Variants in ESPN observed in about 807,000 individuals in gnomAD.
ESPN encodes the protein espin, also known as autosomal recessive deafness type 36 protein.
ESPN carries 68 observed loss-of-function variants against 77.7 expected under a neutral mutation model. That is an observed-to-expected ratio of 0.87 (90% CI 0.72 to 1.07). ESPN has a LOEUF of 1.07. Among genes scored for constraint, ESPN ranks in the 50% least tolerant of loss-of-function variants. The probability of loss-of-function intolerance (pLI) is 0.00; values close to 1 mark genes in which losing one functional copy is unlikely to be tolerated. For synonymous variants in ESPN, 449 were observed against 567.1 expected, an observed-to-expected ratio of 0.79 and a Z score of 2.96; for missense variants, 1,060 against 1,239.0, an observed-to-expected ratio of 0.86 and a Z score of 2.17.
intron 2 of ESPN, among the ~76,000 whole-genome samples, chr1:6,439,475 G>A (rs896129347): frequency 5.9e-5 from 9 of 152,212 alleles, no homozygotes; most frequent in African/African-American, 1.9e-4. Flanking sequence ...AGCATGACAG[G>A]TCATGCTCAA....
intron 10 of ESPN, among the ~76,000 whole-genome samples, chr1:6,453,753 A>G (rs1194745023): frequency 6.6e-6 from 1 of 152,188 alleles, no homozygotes; most frequent in Non-Finnish European, 1.5e-5. Flanking sequence ...AGTGGATCGC[A>G]TAGGGTCAAG....
chr1:6,451,818 C>A lies in ESPN; in HGVS notation c.2062-15C>A. 3 of 1,610,820 alleles carry A rather than the reference C, an allele frequency of 1.9e-6. No homozygotes were observed. Among genetic ancestry groups the A allele is most frequent in the Non-Finnish European group, 2.5e-6 (3 of 1,179,176 alleles). On this transcript the variant is annotated splice_polypyrimidine_tract_variant and intron_variant, in intron 9 of 12. Transcript: ENST00000645284. This position sits in a 1 kb window ranked among gnomAD's most constrained non-coding sequence, Gnocchi z 4.3. Reference sequence around the variant, plus strand: ...TAGGCCACCGGGCGCTCAGCCCCACCGCTTCTCCCTGCAGCCCGATTCGCC... The same window carrying A: ...TAGGCCACCGGGCGCTCAGCCCCACAGCTTCTCCCTGCAGCCCGATTCGCC...
chr1:6,439,761 G>A (rs1401881957), intron 2 of ESPN, among the ~76,000 whole-genome samples: 1 of 152,196 alleles, frequency 6.6e-6, no homozygotes, highest in African/African-American at 2.4e-5. Flanking sequence ...TGTAATCCCA[G>A]CACTTTGGGA....
chr1:6,445,955 T>A lies in ESPN; in HGVS notation c.1464+20T>A. 1.2e-6 allele frequency: 2 copies of A among 1,611,480 alleles called. No homozygotes were observed. On this transcript the variant is annotated intron_variant, in intron 7 of 12. Coordinates refer to ENST00000645284, the MANE Select transcript of ESPN (RefSeq NM_031475.3). ...AAGGAGGTAGTGAGCCCTCACCCCC[T>A]GCCTGCCTCCCAGCAGGGGGACTGG...
chr1:6,455,931 C>A (rs1644047439), intron 10 of ESPN: 1 of 398,872 alleles, frequency 2.5e-6, no homozygotes, highest in Non-Finnish European at 4.4e-6. Flanking sequence ...AGAACAGGAG[C>A]GGACCGAAGA....
chr1:6,431,438 G>C (rs190500506), intron 2 of ESPN, among the ~76,000 whole-genome samples: 20 of 152,024 alleles, frequency 1.3e-4, no homozygotes, highest in Middle Eastern at 3.4e-3. Context: ...GTGAAACCCC[G>C]TCTCTACCAA....
chr1:6,461,265 G>C, downstream of ESPN: 5 of 865,316 alleles, frequency 5.8e-6, no homozygotes, highest in Non-Finnish European at 9.6e-6. The surrounding 1 kb of genome is among the most constrained non-coding windows in gnomAD (Gnocchi z 6.3). Flanking sequence ...GTGCTTCTTC[G>C]CCTTGGCTGG....
downstream of ESPN, chr1:6,461,229 T>A: frequency 1.3e-6 from 1 of 740,976 alleles, no homozygotes; most frequent in Non-Finnish European, 2.5e-6. This position sits in a 1 kb window ranked among gnomAD's most constrained non-coding sequence, Gnocchi z 6.3. Flanking sequence ...TTGAGAAATG[T>A]CTTCACCCCC....
At chr1:6,435,992 G>C (rs927500081) in intron 2 of ESPN, among the ~76,000 whole-genome samples, 16 of 152,340 alleles carry the variant, frequency 1.1e-4, no homozygotes, top group Non-Finnish European at 1.9e-4. Context: ...CACGGGACTT[G>C]AGCCAGGTCC....
At chr1:6,456,969 C>T (rs1644068216) in intron 10 of ESPN, among the ~76,000 whole-genome samples, 1 of 152,260 alleles carries the variant, frequency 6.6e-6, no homozygotes, top group Non-Finnish European at 1.5e-5. Context: ...GCTCTGATCT[C>T]TCTGGTGCCT....
At chr1:6,445,518 G>A (rs1422898431) in intron 6 of ESPN, 146 bp from the exon 7 acceptor site, 15 of 892,606 alleles carry the variant, frequency 1.7e-5, no homozygotes, top group African/African-American at 1.2e-4. Context: ...GCCCAGCACC[G>A]CCAGGGGCCA....
chr1:6,439,428 G>T (rs897074912), intron 2 of ESPN, among the ~76,000 whole-genome samples: 2 of 152,200 alleles, frequency 1.3e-5, no homozygotes, highest in Non-Finnish European at 2.9e-5. Context: ...TCAGTCTTCT[G>T]GGGGAGGCAA....
chr1:6,440,302 G>A lies in ESPN; in HGVS notation c.537G>A (p.Ala179=). 1 of 1,556,294 alleles carries A rather than the reference G, an allele frequency of 6.4e-7. No homozygotes were observed. The highest frequency in any genetic ancestry group is 1.2e-5 in the South Asian group (1 of 84,848). ...TKNGATPLYL[A]CQEGHLEVTQ... ...ACGGTGCCACGCCCCTGTACCTGGC[G>A]TGCCAGGAGGGCCACCTGGAGGTGA... The change falls in exon 3 of 13, where the codon GCG becomes GCA. Residue 179 remains alanine, a synonymous_variant. Coordinates refer to ENST00000645284, the MANE Select transcript of ESPN (RefSeq NM_031475.3).
chr1:6,451,880 G>C lies in ESPN; in HGVS notation c.2109G>C (p.Arg703=). ...TGTCACCTGCACTGTCACCAGTCCG[G>C]AGCCCCACACCGCCAGCTGCGGGGT... The part of the protein sequence containing the change: ...PSVSPALSPV[R]SPTPPAAGFQ... Residue 703 remains arginine, a synonymous_variant, in exon 10 of 13, where the codon CGG becomes CGC. Transcript: ENST00000645284. This position sits in a 1 kb window ranked among gnomAD's most constrained non-coding sequence, Gnocchi z 4.3. 3.1e-6 allele frequency: 5 copies of C among 1,611,578 alleles called. No individual in the cohort carries two copies. The highest frequency in any genetic ancestry group is 3.4e-6 in the Non-Finnish European group (4 of 1,179,222).
In ESPN at chr1:6,425,010, A is replaced by T; in HGVS notation, c.55A>T (p.Arg19Trp). Residue 19 changes from arginine (R) to tryptophan (W), a missense_variant, in exon 1 of 13, where the codon AGG becomes TGG. This residue lies in a region of ESPN where 556 missense variants were observed against 633.6 expected (regional missense o/e 0.88). Coordinates refer to ENST00000645284, the MANE Select transcript of ESPN (RefSeq NM_031475.3). ...AARQGELDVL[R>W]SLHAAGLLGP... ...GCGGCAGGGCGAGCTGGACGTGCTG[A>T]GGTCGCTGCACGCCGCAGGCCTCCT... The T allele has an allele frequency of 6.8e-7, 1 of 1,467,586 alleles. No individual in the cohort carries two copies. The highest frequency in any genetic ancestry group is 2.4e-4 in the Middle Eastern group (1 of 4,170). The allele number at this position is 1,467,586 out of a possible 1,614,324, so 90.9% of individuals were successfully genotyped here. A position where few individuals can be genotyped will look rare whatever the true frequency, so the allele number is the denominator to read the frequency against.
chr1:6,455,406 G>A (rs1424334009), intron 10 of ESPN: 6 of 390,996 alleles, frequency 1.5e-5, no homozygotes, highest in African/African-American at 2.1e-5. Flanking sequence ...GGGGCTGGAG[G>A]CCACGGACGC....
At chr1:6,461,150 G>A (rs1474196346), downstream of ESPN, 3 of 664,282 alleles carry the variant, frequency 4.5e-6, no homozygotes, top group Non-Finnish European at 8.5e-6. The surrounding 1 kb of genome is among the most constrained non-coding windows in gnomAD (Gnocchi z 6.3). Flanking sequence ...CCAAGAAGCC[G>A]TTTTTGTTTT....
In ESPN at chr1:6,438,267, C is replaced by T. The variant is rs576517845; in HGVS notation, c.489-1987C>T. Among the ~76,000 whole-genome samples, 147 of 152,332 alleles carry T rather than the reference C, an allele frequency of 9.6e-4. 1 individual carries two copies. The highest frequency in any genetic ancestry group is 3.4e-3 in the Middle Eastern group (1 of 294). On this transcript the variant is annotated intron_variant, in intron 2 of 12. Coordinates refer to ENST00000645284, the MANE Select transcript of ESPN (RefSeq NM_031475.3). ...GGACACACCAGGCCAGCCATAGACC[C>T]TCCTGGTGGCTGGTCCTCCCAGGCA...
Position 6,451,367 on chromosome 1 carries a change from T to C in ESPN, c.1916-236T>C, listed in dbSNP as rs1336858259. 3.4e-6 allele frequency: 2 copies of C among 595,534 alleles called. No individual in the cohort carries two copies. Among genetic ancestry groups the C allele is most frequent in the Non-Finnish European group, 5.9e-6 (2 of 336,956 alleles). 36.9% of individuals were successfully genotyped at this position (595,534 alleles called of 1,614,324 possible). A position where few individuals can be genotyped will look rare whatever the true frequency, so the allele number is the denominator to read the frequency against. On this transcript the variant is annotated intron_variant, in intron 8 of 12. Coordinates refer to ENST00000645284, the MANE Select transcript of ESPN (RefSeq NM_031475.3). The surrounding 1 kb of genome is among the most constrained non-coding windows in gnomAD (Gnocchi z 4.3). ...GGGGCCTCCAGGCAGGGGCCCTCCA[T>C]CCCGTGAGTAGGGTGGGGAAGATGG... is the stretch of plus-strand genomic sequence containing the variant.
Sources: gnomAD v4.1 joint callset for allele counts (sites outside exome capture counted in the v4.1 genomes callset) on GRCh38, gnomAD v4.1.1 for gene constraint, gnomAD v4.1.1 regional missense constraint, Gnocchi (gnomAD v3.1) non-coding constraint, MANE v1.5 for transcripts, NCBI Gene and HGNC (gene_info 2026-07-23, HGNC 2026-07-21) for gene names.